Variants in PTGER3 observed in about 807,000 individuals in gnomAD.
PTGER3 encodes prostaglandin E2 receptor EP3 subtype.
PTGER3 carries 22 observed loss-of-function variants against 34.7 expected under a neutral mutation model. The observed-to-expected ratio is 0.63, with a 90% CI of 0.45 to 0.91. The LOEUF (loss-of-function observed/expected upper bound fraction) is 0.91, where lower values mean the gene tolerates loss of function less well. Ranked by LOEUF, PTGER3 falls within the 40% of genes least tolerant of loss-of-function variation. The pLI is 0.00. For missense variants in PTGER3, 468 were observed against 519.4 expected (o/e 0.90, Z 0.96); for synonymous variants, 241 against 230.1 (o/e 1.05, Z -0.43).
chr1:70,876,841 C>A (rs778430464), intron 4 of PTGER3, among the ~76,000 whole-genome samples: 13 of 151,988 alleles, frequency 8.6e-5, no homozygotes, highest in African/African-American at 1.5e-4. Context: ...AGCACCCTGC[C>A]CTTTTGATTA....
intron 4 of PTGER3, among the ~76,000 whole-genome samples, chr1:70,932,967 C>G (rs889470984): frequency 2.0e-5 from 3 of 152,052 alleles, no homozygotes; most frequent in African/African-American, 7.2e-5. Context: ...AAGGCAGAGT[C>G]AGGGGTTCTC....
At chr1:71,032,825 T>G (rs923579655) in intron 1 of PTGER3, among the ~76,000 whole-genome samples, 3 of 152,206 alleles carry the variant, frequency 2.0e-5, no homozygotes, top group Non-Finnish European at 4.4e-5. Context: ...GAGTATTAAT[T>G]TGAGAACTGC....
intron 4 of PTGER3, chr1:70,884,103 C>CA: frequency 5.1e-6 from 2 of 390,876 alleles, no homozygotes; most frequent in Admixed American, 2.9e-5. Flanking sequence ...AACAAACAAA[C>CA]AAAAAAGGAT....
chr1:71,007,047 T>C, intron 2 of PTGER3: 1 of 985,240 alleles, frequency 1.0e-6, no homozygotes, highest in Non-Finnish European at 1.2e-6. Context: ...TATATTTAAA[T>C]ACACTGACGA....
chr1:70,853,699 A>G (rs1395340574), intron 4 of PTGER3, among the ~76,000 whole-genome samples: 3 of 152,188 alleles, frequency 2.0e-5, no homozygotes, highest in Non-Finnish European at 4.4e-5. Context: ...AAGAAAAAGA[A>G]AAAACGTGTT....
intron 2 of PTGER3, among the ~76,000 whole-genome samples, chr1:70,985,439 A>G (rs1249553330): frequency 6.6e-6 from 1 of 152,124 alleles, no homozygotes; most frequent in Non-Finnish European, 1.5e-5. Flanking sequence ...AACTCAGTGT[A>G]CCACTGGAGG....
chr1:70,899,321 A>C (rs1646787189), intron 4 of PTGER3, among the ~76,000 whole-genome samples: 1 of 152,150 alleles, frequency 6.6e-6, no homozygotes, highest in African/African-American at 2.4e-5. Context: ...AGAAAAAAAC[A>C]CTATGGTAAC....
chr1:70,977,941 G>T (rs1393815012), intron 2 of PTGER3, among the ~76,000 whole-genome samples: 2 of 152,022 alleles, frequency 1.3e-5, no homozygotes, highest in African/African-American at 4.8e-5. Flanking sequence ...GAATTAGAAG[G>T]TCCTCTCCCT....
At chr1:71,039,308 G>A (rs1395014985) in intron 1 of PTGER3, among the ~76,000 whole-genome samples, 1 of 152,102 alleles carries the variant, frequency 6.6e-6, no homozygotes, top group Non-Finnish European at 1.5e-5. Context: ...CAGATTACAG[G>A]GCTGAGAGAA....
exon 5 of PTGER3, chr1:70,852,786 A>T: frequency 6.2e-7 from 1 of 1,600,158 alleles, no homozygotes; most frequent in Non-Finnish European, 8.5e-7. Flanking sequence ...TTTCTTTTAC[A>T]AAAAGAGAGT....
chr1:70,932,325 A>T (rs1185829517), intron 4 of PTGER3, among the ~76,000 whole-genome samples: 1 of 152,024 alleles, frequency 6.6e-6, no homozygotes. Context: ...GAGCCCCCCA[A>T]ACTGTTCCAA....
chr1:70,990,442 AATATATATATACATATATTATAC>A (rs1486156575), intron 2 of PTGER3, among the ~76,000 whole-genome samples: 1 of 146,968 alleles, frequency 6.8e-6, no homozygotes, highest in Admixed American at 6.8e-5. Context: ...ATCAATGTAT[AATATATATATACATATATTATAC>A]ATATATATAC....
chr1:70,858,734 G>C (rs1645864005), intron 4 of PTGER3, among the ~76,000 whole-genome samples: 1 of 152,176 alleles, frequency 6.6e-6, no homozygotes, highest in African/African-American at 2.4e-5. Context: ...CAGGACCTGT[G>C]TTCTTTCTCT....
rs1648797114 is a variant in PTGER3, at chr1:70,932,416, A to G, written c.*23+21347T>C. Among the ~76,000 whole-genome samples, 3 of 152,024 alleles carry G rather than the reference A, an allele frequency of 2.0e-5. No homozygotes were observed. In the South Asian group the frequency reaches 6.2e-4, roughly 32 times the overall value. On this transcript the variant is annotated intron_variant, in intron 4 of 4. Transcript: ENST00000370931. ...GCAATACCACACTCTACTGGTACCA[A>G]TTTACTGTATTAGTCCATTTTCATG...
At chr1:70,883,788 C>A (rs896850708) in intron 4 of PTGER3, among the ~76,000 whole-genome samples, 1 of 152,136 alleles carries the variant, frequency 6.6e-6, no homozygotes, top group Non-Finnish European at 1.5e-5. Flanking sequence ...CATGGCCAGG[C>A]ACGTTGGCTC....
intron 2 of PTGER3, among the ~76,000 whole-genome samples, chr1:70,992,493 C>G (rs1302605571): frequency 6.6e-6 from 1 of 152,174 alleles, no homozygotes; most frequent in Non-Finnish European, 1.5e-5. Flanking sequence ...ACCCTTCACC[C>G]CTTACTAAAG....
chr1:70,925,752 G>A (rs1648014941), intron 4 of PTGER3, among the ~76,000 whole-genome samples: 1 of 152,166 alleles, frequency 6.6e-6, no homozygotes, highest in African/African-American at 2.4e-5. Context: ...GTGGGGTTTT[G>A]TTAGTGGAAG....
chr1:70,962,774 G>A (rs1175988608), intron 2 of PTGER3, among the ~76,000 whole-genome samples: 1 of 152,058 alleles, frequency 6.6e-6, no homozygotes, highest in Non-Finnish European at 1.5e-5. Context: ...ATTTGGGTGG[G>A]GACACAGCCA....
chr1:71,010,678 T>C (rs1052516875), intron 2 of PTGER3: 2 of 984,002 alleles, frequency 2.0e-6, no homozygotes, highest in African/African-American at 3.5e-5. Flanking sequence ...TTCTATGGCA[T>C]AGAGAGATTT....
Sources: allele counts gnomAD v4.1 joint callset (sites outside exome capture counted in the v4.1 genomes callset), GRCh38; gene constraint gnomAD v4.1.1; transcripts MANE v1.5; gene names NCBI Gene and HGNC (gene_info 2026-07-23, HGNC 2026-07-21).